BRF1: variants seen among roughly 807,000 people sequenced by gnomAD.
BRF1 encodes transcription factor IIIB 90 kDa subunit.
A neutral mutation model predicts 81.7 loss-of-function variants in BRF1; 59 were observed. That is an observed-to-expected ratio of 0.72 (90% CI 0.59 to 0.90). The LOEUF (loss-of-function observed/expected upper bound fraction) is 0.90, where lower values mean the gene tolerates loss of function less well. Ranked by LOEUF, BRF1 falls within the 40% of genes least tolerant of loss-of-function variation. BRF1 has a pLI of 0.00. For missense variants in BRF1, 1,050 were observed against 936.3 expected, an observed-to-expected ratio of 1.12 and a Z score of -1.58; for synonymous variants, 491 against 395.6, an observed-to-expected ratio of 1.24 and a Z score of -2.86.
At chr14:105,314,655 C>T (rs957590493) in intron 1 of BRF1, 2 of 143,762 alleles carry the variant, frequency 1.4e-5, no homozygotes, top group African/African-American at 5.0e-5. Flanking sequence ...ATCGGCGGCG[C>T]CGGCGCGGGT....
intron 16 of BRF1, chr14:105,211,676 G>A (rs1890137521): frequency 5.6e-6 from 2 of 355,118 alleles, no homozygotes; most frequent in South Asian, 7.5e-5. Flanking sequence ...CTCTGCTCCG[G>A]CCCCTGCCCC....
intron 3 of BRF1, among the ~76,000 whole-genome samples, chr14:105,270,330 C>A (rs1032665608): frequency 1.3e-5 from 2 of 151,918 alleles, no homozygotes; most frequent in African/African-American, 4.8e-5. Context: ...CCTGCCACCA[C>A]GCCCGGCTAA....
chr14:105,214,493 ACCC>A (rs1415704781), intron 15 of BRF1, among the ~76,000 whole-genome samples: 22 of 47,994 alleles, frequency 4.6e-4, no homozygotes, highest in African/African-American at 4.1e-3. Flanking sequence ...AGCTGCCCAC[ACCC>A]CTGCATGGCT....
chr14:105,269,805 A>G lies in BRF1; in HGVS notation c.439+2916T>C, dbSNP rs1489010983. Reference sequence around the variant, plus strand: ...AGCAGCATGGACGTGGTTCCACCCCACCTTGCTGACGCTGGGGTCCCAGTG... The same window carrying G: ...AGCAGCATGGACGTGGTTCCACCCCGCCTTGCTGACGCTGGGGTCCCAGTG... On this transcript the variant is annotated intron_variant, in intron 3 of 17. Transcript: ENST00000547530. The surrounding 1 kb of genome is among the most constrained non-coding windows in gnomAD (Gnocchi z 5.0). 6.6e-6 allele frequency among the ~76,000 whole-genome samples: 1 copy of G among 152,092 alleles called. No homozygotes were observed. The highest frequency in any genetic ancestry group is 1.5e-5 in the Non-Finnish European group (1 of 68,002).
At chr14:105,253,270 G>C (rs2055704726) in intron 4 of BRF1, among the ~76,000 whole-genome samples, 1 of 152,216 alleles carries the variant, frequency 6.6e-6, no homozygotes, top group Admixed American at 6.5e-5. Flanking sequence ...CCTGCTGGCT[G>C]GGGGAGGACA....
intron 5 of BRF1, chr14:105,248,545 AC>A (rs1323957812): frequency 5.1e-5 from 33 of 646,016 alleles, no homozygotes; most frequent in Non-Finnish European, 2.8e-5. Flanking sequence ...AGCGTGACGC[AC>A]CGGCGCCGCG....
At chr14:105,214,393 GGCTGCCCACATCCCTGTGTGGCTCA>G (rs1890682105) in intron 15 of BRF1, among the ~76,000 whole-genome samples, 1 of 140,518 alleles carries the variant, frequency 7.1e-6, no homozygotes, top group Non-Finnish European at 1.6e-5. Flanking sequence ...CGGAGGGAGC[GGCTGCCCACATCCCTGTGTGGCTCA>G]GCTGCCCACA....
Position 105,269,690 on chromosome 14 carries a change from C to T in BRF1, c.439+3031G>A, listed in dbSNP as rs985724080. 1.3e-5 allele frequency among the ~76,000 whole-genome samples: 2 copies of T among 152,114 alleles called. No homozygotes were observed. Among genetic ancestry groups the T allele is most frequent in the Non-Finnish European group, 2.9e-5 (2 of 68,006 alleles). On this transcript the variant is annotated intron_variant, in intron 3 of 17. Coordinates refer to ENST00000547530, the MANE Select transcript of BRF1 (RefSeq NM_001519.4). This position sits in a 1 kb window ranked among gnomAD's most constrained non-coding sequence, Gnocchi z 5.0. ...GACTCAGAGGCAGCCCCGGCAGTGC[C>T]ACAGGACTGCTCTCCGTCCTGCCTG...
chr14:105,210,599 G>A lies in BRF1; in HGVS notation c.1997-11C>T, dbSNP rs748838026. The A allele has an allele frequency of 1.2e-6, 2 of 1,611,186 alleles. No homozygotes were observed. The highest frequency in any genetic ancestry group is 1.3e-5 in the African/African-American group (1 of 75,018). On this transcript the variant is annotated splice_polypyrimidine_tract_variant and intron_variant, in intron 17 of 17. Transcript: ENST00000547530. The surrounding 1 kb of genome is among the most constrained non-coding windows in gnomAD (Gnocchi z 4.7). ...CATCACAGCCATAGTCTGCAGAAGA[G>A]CACAGTCATGAAGCCCAGGGTCTCT...
chr14:105,226,201 C>T, intron 9 of BRF1, 40 bp from the exon 10 acceptor site: 1 of 1,613,958 alleles, frequency 6.2e-7, no homozygotes, highest in East Asian at 2.2e-5. Context: ...AGCATAAAAT[C>T]AATTTTCCCA....
In BRF1 at chr14:105,226,842, C is replaced by T. The variant is rs138850025; in HGVS notation, c.789-82G>A. The T allele has an allele frequency of 4.3e-4, 692 of 1,595,996 alleles. 2 individuals carry two copies. Among genetic ancestry groups the T allele is most frequent in the Middle Eastern group, 4.0e-3 (24 of 5,962 alleles). The stretch of plus-strand genomic sequence containing the variant: ...AAACTGAGCTTTCGCCTGGGCGTGG[C>T]TCATGCCTGTGATCCCAGTGCTTTG... On this transcript the variant is annotated intron_variant, in intron 7 of 17. Coordinates refer to ENST00000547530, the MANE Select transcript of BRF1 (RefSeq NM_001519.4).
At chr14:105,285,241 TCA>T (rs1022647635) in intron 2 of BRF1, among the ~76,000 whole-genome samples, 2 of 152,238 alleles carry the variant, frequency 1.3e-5, no homozygotes, top group Admixed American at 6.5e-5. Flanking sequence ...GTTAGAGGAC[TCA>T]CAGTTCCTGA....
intron 1 of BRF1, among the ~76,000 whole-genome samples, chr14:105,299,638 T>C (rs587661680): frequency 3.3e-5 from 5 of 152,152 alleles, no homozygotes; most frequent in African/African-American, 1.2e-4. Context: ...GCATGGCAAA[T>C]AAGCACCCTA....
chr14:105,308,644 A>G (rs996295276), intron 1 of BRF1, among the ~76,000 whole-genome samples: 1 of 151,700 alleles, frequency 6.6e-6, no homozygotes, highest in East Asian at 2.0e-4. Flanking sequence ...CACTGTGCCC[A>G]GCTAAGTTTT....
At chr14:105,270,167 G>GA (rs1424708867) in intron 3 of BRF1, among the ~76,000 whole-genome samples, 4 of 127,156 alleles carry the variant, frequency 3.1e-5, no homozygotes, top group Non-Finnish European at 4.7e-5. Flanking sequence ...TCAAAATGTT[G>GA]AAAGGACTTT....
chr14:105,307,668 T>C (rs1443148979), intron 1 of BRF1, among the ~76,000 whole-genome samples: 1 of 152,240 alleles, frequency 6.6e-6, no homozygotes, highest in Non-Finnish European at 1.5e-5. Context: ...CTTCTCACCT[T>C]CTCACCTGCT....
chr14:105,250,673 G>A (rs1377377910), intron 5 of BRF1: 8 of 1,602,382 alleles, frequency 5.0e-6, no homozygotes, highest in Non-Finnish European at 6.8e-6. Context: ...CTATGCCTGA[G>A]GTGCCCGGGG....
intron 14 of BRF1, among the ~76,000 whole-genome samples, chr14:105,218,737 C>T (rs917018667): frequency 6.6e-6 from 1 of 152,228 alleles, no homozygotes; most frequent in Non-Finnish European, 1.5e-5. Flanking sequence ...ACAGTCTGCC[C>T]CGGTGCTGCA....
chr14:105,312,056 C>T (rs756956368), intron 1 of BRF1, among the ~76,000 whole-genome samples: 12 of 152,214 alleles, frequency 7.9e-5, no homozygotes, highest in Non-Finnish European at 1.6e-4. Context: ...CTGGAGGAGG[C>T]CCCTCCCCCA....
Sources: gnomAD v4.1 joint callset for allele counts (sites outside exome capture counted in the v4.1 genomes callset) on GRCh38, gnomAD v4.1.1 for gene constraint, Gnocchi (gnomAD v3.1) non-coding constraint, MANE v1.5 for transcripts, NCBI Gene and HGNC (gene_info 2026-07-23, HGNC 2026-07-21) for gene names.